The following SMCP variants were observed in gnomAD, a reference collection of about 807,000 sequenced individuals.
SMCP encodes the protein sperm mitochondria associated cysteine rich protein.
For synonymous variants in SMCP, 41 were observed against 46.9 expected (o/e 0.87, Z 0.51); for missense variants, 137 against 137.1 (o/e 1.00, Z 0.01).
chr1:152,883,740 T>A (rs1649124051), intron 1 of SMCP, among the ~76,000 whole-genome samples: 2 of 152,312 alleles, frequency 1.3e-5, no homozygotes, highest in African/African-American at 4.8e-5. Context: ...GAACCAGGCC[T>A]GGAACTCAAG....
chr1:152,881,690 G>A (rs1044298260), intron 1 of SMCP, among the ~76,000 whole-genome samples: 3 of 108,034 alleles, frequency 2.8e-5, no homozygotes, highest in East Asian at 5.9e-4. Context: ...GCGAGACTCC[G>A]TCTCAAAAAA....
chr1:152,880,864 T>C (rs777039080), intron 1 of SMCP, among the ~76,000 whole-genome samples: 4 of 147,520 alleles, frequency 2.7e-5, no homozygotes, highest in Non-Finnish European at 4.5e-5. Context: ...GAAAGGTTTA[T>C]ACCAGGTGGC....
At chr1:152,882,898 G>T (rs1464347758) in intron 1 of SMCP, among the ~76,000 whole-genome samples, 1 of 152,196 alleles carries the variant, frequency 6.6e-6, no homozygotes, top group Non-Finnish European at 1.5e-5. Context: ...ACAAAAATTT[G>T]CTGGGCGTGG....
intron 1 of SMCP, among the ~76,000 whole-genome samples, chr1:152,880,273 C>G (rs555725412): frequency 6.6e-6 from 1 of 152,230 alleles, no homozygotes; most frequent in South Asian, 2.1e-4. Context: ...CAAGGAGATA[C>G]GGACAGATAC....
chr1:152,881,063 C>T (rs1649019637), intron 1 of SMCP, among the ~76,000 whole-genome samples: 1 of 40,262 alleles, frequency 2.5e-5, no homozygotes, highest in Admixed American at 2.9e-4. Context: ...GGGGCTGGGT[C>T]CAACGTGTGA....
intron 1 of SMCP, among the ~76,000 whole-genome samples, chr1:152,882,091 T>C (rs1168554550): frequency 6.6e-6 from 1 of 152,230 alleles, no homozygotes; most frequent in Non-Finnish European, 1.5e-5. Flanking sequence ...TTCTCCTGCC[T>C]CAGTCTCCCA....
At position 152,882,517 on chromosome 1, in the gene SMCP, A is replaced by C. The variant is rs1379404164; in HGVS notation, c.-20-1886A>C. On this transcript the variant is annotated intron_variant, in intron 1 of 1. Transcript: ENST00000368765. ...CAGAGGCTGGCCCCTACTAGGAGCTATTCACACTGGCTCTAACTGTAAAGA... is the reference window on the plus strand; with the variant it reads ...CAGAGGCTGGCCCCTACTAGGAGCTCTTCACACTGGCTCTAACTGTAAAGA... Among the ~76,000 whole-genome samples, 3 of 152,314 alleles carry C rather than the reference A, an allele frequency of 2.0e-5. No homozygotes were observed. In the East Asian group the frequency reaches 5.8e-4, roughly 29 times the overall value.
At chr1:152,883,911 A>T (rs1207574401) in intron 1 of SMCP, among the ~76,000 whole-genome samples, 1 of 152,220 alleles carries the variant, frequency 6.6e-6, no homozygotes, top group African/African-American at 2.4e-5. Context: ...GCCACATTAG[A>T]GACAAGAACA....
Position 152,884,035 on chromosome 1 carries a change from C to T in SMCP, c.-20-368C>T, listed in dbSNP as rs79007681. On this transcript the variant is annotated intron_variant, in intron 1 of 1. Transcript: ENST00000368765. The stretch of plus-strand genomic sequence containing the variant: ...AAGTGAAGTGGACTAAAAATGTCTA[C>T]CTCAGGCTGGTAGCCGTTATAACAT... Among the ~76,000 whole-genome samples, 1,009 of 152,290 alleles carry T rather than the reference C, an allele frequency of 6.6e-3. 12 individuals carry two copies. Among genetic ancestry groups the T allele is most frequent in the African/African-American group, 0.023 (945 of 41,550 alleles).
chr1:152,882,538 A>G (rs1649086536), intron 1 of SMCP, among the ~76,000 whole-genome samples: 1 of 152,160 alleles, frequency 6.6e-6, no homozygotes, highest in South Asian at 2.1e-4. Context: ...CTCTAACTGT[A>G]AAGACTCATG....
Position 152,884,903 on chromosome 1 carries a change from C to G in SMCP, c.*130C>G. 1.3e-6 allele frequency: 1 copy of G among 786,544 alleles called. No homozygotes were observed. Among genetic ancestry groups the G allele is most frequent in the Non-Finnish European group, 2.0e-6 (1 of 490,760 alleles). 48.7% of individuals were successfully genotyped at this position (786,544 alleles called of 1,614,324 possible). A position where few individuals can be genotyped will look rare whatever the true frequency, so the allele number is the denominator to read the frequency against. Reference sequence around the variant, plus strand: ...GTTTTCACAGTGACTACCATTTCCACCCAATGAGAGGCTCCTATTTCCCAT... The same window carrying G: ...GTTTTCACAGTGACTACCATTTCCAGCCAATGAGAGGCTCCTATTTCCCAT... On this transcript the variant is annotated 3_prime_UTR_variant, in exon 2 of 2. Transcript: ENST00000368765.
chr1:152,878,940 G>A (rs1323856957), intron 1 of SMCP, among the ~76,000 whole-genome samples: 1 of 152,200 alleles, frequency 6.6e-6, no homozygotes, highest in African/African-American at 2.4e-5. Context: ...AATTCAGCAG[G>A]TGTCTGCTCT....
chr1:152,884,587 C>G lies in SMCP; in HGVS notation c.165C>G (p.His55Gln). 3 of 1,614,152 alleles carry G rather than the reference C, an allele frequency of 1.9e-6. No individual in the cohort carries two copies. Among genetic ancestry groups the G allele is most frequent in the Non-Finnish European group, 2.5e-6 (3 of 1,180,034 alleles). ...GCAGTCAATGCTGCCCACCAAAACA[C>G]AATCACTGCTGCCAGCCAAAACCCC... ...PKGSQCCPPK[H>Q]NHCCQPKPPC... is the part of the protein sequence containing the mutation. The change falls in exon 2 of 2, where the codon CAC becomes CAG. Residue 55 changes from histidine (H) to glutamine (Q), a missense_variant. Transcript: ENST00000368765.
chr1:152,879,445 T>A (rs1258912920), intron 1 of SMCP, among the ~76,000 whole-genome samples: 2 of 152,122 alleles, frequency 1.3e-5, no homozygotes, highest in African/African-American at 4.8e-5. Context: ...GGTCTCAAAC[T>A]CCTGACCTCA....
At chr1:152,881,050 G>C (rs58528923) in intron 1 of SMCP, among the ~76,000 whole-genome samples, 1 of 11,886 alleles carries the variant, frequency 8.4e-5, no homozygotes, top group South Asian at 3.4e-3. Flanking sequence ...GAGAGTCTGC[G>C]CTGGGGCTGG....
chr1:152,881,870 G>T (rs547536641), intron 1 of SMCP, among the ~76,000 whole-genome samples: 1 of 152,312 alleles, frequency 6.6e-6, no homozygotes, highest in South Asian at 2.1e-4. Context: ...AAGAACAGGG[G>T]AAATGTCAGA....
intron 1 of SMCP, among the ~76,000 whole-genome samples, chr1:152,882,285 C>T (rs1361914410): frequency 6.6e-6 from 1 of 152,140 alleles, no homozygotes; most frequent in African/African-American, 2.4e-5. Flanking sequence ...CCCAGAAAGA[C>T]TTTAATGTGA....
chr1:152,883,930 C>A (rs73008506), intron 1 of SMCP, among the ~76,000 whole-genome samples: 7,750 of 152,254 alleles, frequency 0.051, 628 homozygotes, highest in African/African-American at 0.17. Context: ...CAAGCACATG[C>A]TCTGGAGTGG....
At chr1:152,880,994 A>AAAGTCTCAGGATTTCTCTGTGG (rs1232220193) in intron 1 of SMCP, among the ~76,000 whole-genome samples, 2 of 151,832 alleles carry the variant, frequency 1.3e-5, no homozygotes, top group Non-Finnish European at 1.5e-5. Context: ...CTTCCCACAG[A>AAAGTCTCAGGATTTCTCTGTGG]GAAACCCTGA....
Sources: gnomAD v4.1 joint callset for allele counts (sites outside exome capture counted in the v4.1 genomes callset) on GRCh38, gnomAD v4.1.1 for gene constraint, MANE v1.5 for transcripts, NCBI Gene and HGNC (gene_info 2026-07-23, HGNC 2026-07-21) for gene names.